Variants in LIG4 observed in about 807,000 individuals in gnomAD.
LIG4 encodes DNA ligase 4.
LIG4 carries 13 observed loss-of-function variants against 19.0 expected under a neutral mutation model. That is an observed-to-expected ratio of 0.68 (90% CI 0.44 to 1.09). The LOEUF (loss-of-function observed/expected upper bound fraction) is 1.09. LIG4 is among the 50% of genes least tolerant of loss of function. The pLI is 0.00. For synonymous variants in LIG4, 361 were observed against 358.2 expected, an observed-to-expected ratio of 1.01 and a Z score of -0.09; for missense variants, 1,026 against 1,089.7, an observed-to-expected ratio of 0.94 and a Z score of 0.82.
At chr13:108,217,835 G>A (rs545520568), upstream of LIG4, among the ~76,000 whole-genome samples, 2 of 152,174 alleles carry the variant, frequency 1.3e-5, no homozygotes, top group Non-Finnish European at 2.9e-5. Context: ...TGCACAGGGG[G>A]GTTGACAGCG....
chr13:108,211,905 C>CT (rs1455563267), intron 2 of LIG4, among the ~76,000 whole-genome samples: 1 of 152,192 alleles, frequency 6.6e-6, no homozygotes, highest in East Asian at 1.9e-4. Flanking sequence ...AAGCCTACGT[C>CT]TATGTTTCCT....
chr13:108,209,947 T>A lies in LIG4; in HGVS notation c.1322A>T (p.Asp441Val), dbSNP rs1349699059. ...TTTTAACCACCCTTCACCTCTTTTG[T>A]CTGGCTTGTAGATGGATAGAGGTTG... The part of the protein sequence containing the change: ...VKQPLSIYKP[D>V]KRGEGWLKIK... The change falls in exon 3 of 3, where the codon GAC becomes GTC. Residue 441 changes from aspartate (D) to valine (V), a missense_variant. Asp to Val is a radical substitution (Grantham distance 152). Coordinates refer to ENST00000442234, the MANE Select transcript of LIG4 (RefSeq NM_206937.2). The A allele has an allele frequency of 1.2e-6, 2 of 1,613,960 alleles. No individual in the cohort carries two copies.
intron 2 of LIG4, among the ~76,000 whole-genome samples, chr13:108,213,536 G>T (rs912693362): frequency 2.0e-5 from 3 of 152,206 alleles, no homozygotes; most frequent in East Asian, 3.8e-4. Flanking sequence ...TAAACTAGTC[G>T]TAAGTATTTT....
At chr13:108,215,073 C>G in intron 1 of LIG4, among the ~76,000 whole-genome samples, 1 of 83,028 alleles carries the variant, frequency 1.2e-5, no homozygotes, top group Non-Finnish European at 2.5e-5. Context: ...CCACACCCCC[C>G]ACTTGACTCT....
At position 108,210,161 on chromosome 13, in the gene LIG4, A is replaced by G. The variant is rs1459080732; in HGVS notation, c.1108T>C (p.Leu370=). 16 of 1,613,846 alleles carry G rather than the reference A, an allele frequency of 9.9e-6. No homozygotes were observed. Among genetic ancestry groups the G allele is most frequent in the South Asian group, 5.5e-5 (5 of 91,082 alleles). The change falls in exon 3 of 3, where the codon TTG becomes CTG. Residue 370 remains leucine (L), a synonymous_variant. Transcript: ENST00000442234. The part of the protein sequence containing the change: ...LQTCYCVFDV[L]MVNNKKLGHE... Reference sequence around the variant, plus strand: ...CCTAGCTTTTTATTATTAACCATCAATACATCAAAAACACAATAACAAGTT... The same window carrying G: ...CCTAGCTTTTTATTATTAACCATCAGTACATCAAAAACACAATAACAAGTT...
intron 2 of LIG4, 130 bp from the exon 3 acceptor site, chr13:108,211,426 T>A: frequency 1.5e-6 from 1 of 667,864 alleles, no homozygotes; most frequent in Admixed American, 2.5e-5. Context: ...AAAAGATCAA[T>A]GCTCTAAATG....
Position 108,209,814 on chromosome 13 carries a change from A to G in LIG4, c.1455T>C (p.Cys485=), listed in dbSNP as rs746119415. The change falls in exon 3 of 3, where the codon TGT becomes TGC. Residue 485 remains cysteine, a synonymous_variant. Coordinates refer to ENST00000442234, the MANE Select transcript of LIG4 (RefSeq NM_206937.2). The part of the protein sequence containing the change: ...SRGGMMSHFL[C]AVAEKPPPGE... ...CAGGAGGGGGCTTCTCTGCTACTGC[A>G]CACAGAAAATGAGACATCATTCCAC... The G allele has an allele frequency of 1.2e-5, 20 of 1,614,030 alleles. No homozygotes were observed. The South Asian group carries it at 2.2e-4, about 18-fold the overall frequency.
At chr13:108,216,378 A>G (rs1879291581), upstream of LIG4, among the ~76,000 whole-genome samples, 1 of 152,232 alleles carries the variant, frequency 6.6e-6, no homozygotes, top group Non-Finnish European at 1.5e-5. Context: ...CTTTACAATA[A>G]AATAAATTTT....
intron 2 of LIG4, among the ~76,000 whole-genome samples, chr13:108,214,112 A>G (rs982712366): frequency 4.6e-5 from 7 of 152,206 alleles, no homozygotes; most frequent in African/African-American, 1.7e-4. Context: ...GGCAGGTTTT[A>G]TTCAGTGACT....
At position 108,209,565 on chromosome 13, in the gene LIG4, A is replaced by G. The variant is rs1805386; in HGVS notation, c.1704T>C (p.Asp568=). Residue 568 remains aspartate, a synonymous_variant, in exon 3 of 3, where the codon GAT becomes GAC. Coordinates refer to ENST00000442234, the MANE Select transcript of LIG4 (RefSeq NM_206937.2). ...QIKAAEIVPS[D]MYKTGCTLRF... ...GCAAGGTGCAGCCAGTTTTATACAT[A>G]TCACTGGGTACGATCTCTGCTGCTT... 250,289 of 1,613,942 alleles carry G rather than the reference A, an allele frequency of 0.16. 21,105 individuals are homozygous for G. The highest frequency in any genetic ancestry group is 0.18 in the Middle Eastern group (1,087 of 6,062).
At position 108,210,864 on chromosome 13, in the gene LIG4, T is replaced by G. The variant is rs756383611; in HGVS notation, c.405A>C (p.Pro135=). ...FAMIAYFVLK[P]RCLQKGSLTI... ...TTAAACTTCCTTTCTGTAAACATCT[T>G]GGCTTCAACACAAAATATGCAATCA... Residue 135 remains proline (P), a synonymous_variant, in exon 3 of 3, where the codon CCA becomes CCC. Coordinates refer to ENST00000442234, the MANE Select transcript of LIG4 (RefSeq NM_206937.2). The G allele has an allele frequency of 1.2e-6, 2 of 1,614,062 alleles. No individual in the cohort carries two copies. Among genetic ancestry groups the G allele is most frequent in the Non-Finnish European group, 1.7e-6 (2 of 1,179,976 alleles).
chr13:108,213,105 G>T (rs908853963), intron 2 of LIG4, among the ~76,000 whole-genome samples: 5 of 152,076 alleles, frequency 3.3e-5, no homozygotes, highest in Non-Finnish European at 7.4e-5. Context: ...TTAGATCGAG[G>T]GATAAACGCA....
chr13:108,213,276 A>G (rs1380588294), intron 2 of LIG4, among the ~76,000 whole-genome samples: 2 of 152,212 alleles, frequency 1.3e-5, no homozygotes, highest in Non-Finnish European at 2.9e-5. Flanking sequence ...ACACAATGCT[A>G]TATCTACAAT....
In LIG4 at chr13:108,210,020, C is replaced by CT; in HGVS notation, c.1248_1249insA (p.Ala417SerfsTer4). 1 of 1,612,068 alleles carries CT rather than the reference C, an allele frequency of 6.2e-7. No individual in the cohort carries two copies. Among genetic ancestry groups the CT allele is most frequent in the Non-Finnish European group, 8.5e-7 (1 of 1,179,956 alleles). On this transcript the variant is annotated frameshift_variant, in exon 3 of 3. Coordinates refer to ENST00000442234, the MANE Select transcript of LIG4 (RefSeq NM_206937.2). LOFTEE classifies it low-confidence loss of function (END_TRUNC). ...CTTTTATCTATTGCTTCATTCAATG[C>CT]ATCAATTACTTCATTCTTAGTATGA...
At chr13:108,213,362 A>G (rs1377880861) in intron 2 of LIG4, among the ~76,000 whole-genome samples, 1 of 152,260 alleles carries the variant, frequency 6.6e-6, no homozygotes, top group Non-Finnish European at 1.5e-5. Flanking sequence ...TATAGTTTCT[A>G]CAGATATATC....
In LIG4 at chr13:108,211,151, T is replaced by C. The variant is rs1341490159; in HGVS notation, c.118A>G (p.Arg40Gly). The C allele has an allele frequency of 1.2e-6, 2 of 1,613,444 alleles. No homozygotes were observed. The highest frequency in any genetic ancestry group is 2.2e-5 in the East Asian group (1 of 44,868). ...KGRAEKIRHF[R>G]EFLDSWRKFH... is the part of the protein sequence containing the mutation. ...TTTCTCCAAGAATCTAAAAATTCCCTGAAGTGTCTGATTTTTTCTGCACGT... is the reference window on the plus strand; with the variant it reads ...TTTCTCCAAGAATCTAAAAATTCCCCGAAGTGTCTGATTTTTTCTGCACGT... Residue 40 changes from arginine to glycine, a missense_variant, in exon 3 of 3, where the codon AGG (arginine) becomes GGG (glycine). Physicochemically the swap from Arg to Gly is moderately radical, Grantham distance 125. Coordinates refer to ENST00000442234, the MANE Select transcript of LIG4 (RefSeq NM_206937.2).
Position 108,207,618 on chromosome 13 carries a change from T to C in LIG4, c.*915A>G, listed in dbSNP as rs1280174654. On this transcript the variant is annotated 3_prime_UTR_variant, in exon 3 of 3. Transcript: ENST00000442234. ...ATGAGATAGGCTGTATTCCAAAATTTGGTATATAAATCCATACATAATATA... is the reference window on the plus strand; with the variant it reads ...ATGAGATAGGCTGTATTCCAAAATTCGGTATATAAATCCATACATAATATA... The C allele has an allele frequency of 1.3e-5, 2 of 152,144 alleles. No individual in the cohort carries two copies. Among genetic ancestry groups the C allele is most frequent in the Non-Finnish European group, 2.9e-5 (2 of 68,004 alleles). 9.4% of individuals were successfully genotyped at this position (152,144 alleles called of 1,614,324 possible).
At chr13:108,212,595 C>G (rs1174279076) in intron 2 of LIG4, among the ~76,000 whole-genome samples, 1 of 151,988 alleles carries the variant, frequency 6.6e-6, no homozygotes, top group Non-Finnish European at 1.5e-5. Context: ...GTATCCCAGG[C>G]AGTGGAGTTG....
At chr13:108,213,916 C>T (rs1053857545) in intron 2 of LIG4, among the ~76,000 whole-genome samples, 2 of 152,042 alleles carry the variant, frequency 1.3e-5, no homozygotes, top group Admixed American at 6.5e-5. Flanking sequence ...GCTTGCTGAT[C>T]CAAGCAACAT....
Sources: gnomAD v4.1 joint callset for allele counts (sites outside exome capture counted in the v4.1 genomes callset) on GRCh38, gnomAD v4.1.1 for gene constraint, MANE v1.5 for transcripts, NCBI Gene and HGNC (gene_info 2026-07-23, HGNC 2026-07-21) for gene names.